CDKAL1: variants seen among roughly 807,000 people sequenced by gnomAD.
The protein encoded by CDKAL1 is threonylcarbamoyladenosine tRNA methylthiotransferase.
CDKAL1 carries 32 observed loss-of-function variants against 68.2 expected under a neutral mutation model. That is an observed-to-expected ratio of 0.47 (90% CI 0.35 to 0.63). The LOEUF (loss-of-function observed/expected upper bound fraction) is 0.63, where lower values mean the gene tolerates loss of function less well. Among genes scored for constraint, CDKAL1 ranks in the 30% least tolerant of loss-of-function variants. CDKAL1 has a pLI of 0.00. For missense variants in CDKAL1, 606 were observed against 696.7 expected (o/e 0.87, Z 1.47); for synonymous variants, 234 against 244.3 (o/e 0.96, Z 0.39).
At chr6:20,815,108 G>A (rs879698407) in intron 8 of CDKAL1, among the ~76,000 whole-genome samples, 3 of 152,202 alleles carry the variant, frequency 2.0e-5, no homozygotes, top group Non-Finnish European at 2.9e-5. Context: ...CTTAATGTAG[G>A]AGGGTAAATC....
chr6:21,089,540 G>A (rs1470716706), intron 12 of CDKAL1, among the ~76,000 whole-genome samples: 2 of 152,088 alleles, frequency 1.3e-5, no homozygotes, highest in Non-Finnish European at 2.9e-5. Context: ...GTATGTGACT[G>A]TGTAGATCCT....
intron 9 of CDKAL1, among the ~76,000 whole-genome samples, chr6:20,879,744 A>G (rs1390715361): frequency 6.6e-6 from 1 of 151,924 alleles, no homozygotes; most frequent in Non-Finnish European, 1.5e-5. Flanking sequence ...TGATTCCCAC[A>G]CTTCTGGTTC....
chr6:20,633,398 T>C (rs1388064150), intron 4 of CDKAL1, among the ~76,000 whole-genome samples: 2 of 152,376 alleles, frequency 1.3e-5, no homozygotes, highest in East Asian at 3.9e-4. Context: ...TAATATTCCA[T>C]TGCATAAATA....
chr6:20,954,755 G>C (rs1003963485), intron 9 of CDKAL1, among the ~76,000 whole-genome samples: 2 of 152,086 alleles, frequency 1.3e-5, no homozygotes, highest in African/African-American at 4.8e-5. Flanking sequence ...ATAACGACAA[G>C]AATATATATA....
At chr6:21,033,772 G>A (rs879821214) in intron 11 of CDKAL1, among the ~76,000 whole-genome samples, 10 of 152,140 alleles carry the variant, frequency 6.6e-5, no homozygotes, top group Non-Finnish European at 1.3e-4. Context: ...AGCTGGCATG[G>A]CACAGGGACA....
intron 8 of CDKAL1, among the ~76,000 whole-genome samples, chr6:20,783,634 T>G (rs1305440213): frequency 2.0e-5 from 3 of 152,138 alleles, no homozygotes; most frequent in African/African-American, 7.2e-5. Flanking sequence ...GATGTCTGCT[T>G]GTTTCTCCCT....
rs1776639616 is a variant in CDKAL1, at chr6:21,156,334, G to GGCA, written c.1300-41686_1300-41685insCAG. On this transcript the variant is annotated intron_variant, in intron 13 of 15. Transcript: ENST00000274695. ...AGCTACTGGCAGGGCTGAGGTGGGAGGATAGCTTGAGCCCAGGAGGCAGAA... is the reference window on the plus strand; with the variant it reads ...AGCTACTGGCAGGGCTGAGGTGGGAGGCAGATAGCTTGAGCCCAGGAGGCAGAA... Among the ~76,000 whole-genome samples, 6 of 149,680 alleles carry GGCA rather than the reference G, an allele frequency of 4.0e-5. No homozygotes were observed. The Admixed American group carries it at 4.0e-4, about 10-fold the overall frequency.
At chr6:21,025,189 A>T (rs1045976856) in intron 11 of CDKAL1, among the ~76,000 whole-genome samples, 1 of 152,202 alleles carries the variant, frequency 6.6e-6, no homozygotes, top group Non-Finnish European at 1.5e-5. Flanking sequence ...AGATTGTACA[A>T]TCAGTCACCT....
intron 9 of CDKAL1, among the ~76,000 whole-genome samples, chr6:20,899,032 C>T (rs1042366769): frequency 3.3e-5 from 5 of 150,592 alleles, no homozygotes; most frequent in Non-Finnish European, 5.9e-5. Context: ...AATCAAGACA[C>T]AGTTTCCTAG....
Position 20,695,004 on chromosome 6 carries a change from G to T in CDKAL1, c.372-44515G>T, listed in dbSNP as rs1160507624. Among the ~76,000 whole-genome samples the T allele has an allele frequency of 2.6e-5, 4 of 152,254 alleles. No homozygotes were observed. In the East Asian group the frequency reaches 7.7e-4, roughly 29 times the overall value. ...ATTCTGGTGCCATGGGCCTTGTACA[G>T]CCTGCAGAACTATGAACCAAACAAA... On this transcript the variant is annotated intron_variant, in intron 5 of 15. Transcript: ENST00000274695.
intron 9 of CDKAL1, among the ~76,000 whole-genome samples, chr6:20,894,760 C>T (rs1417887540): frequency 2.0e-5 from 3 of 152,130 alleles, no homozygotes; most frequent in African/African-American, 7.2e-5. Context: ...CAATCCTCAG[C>T]ACTTTGGGAG....
chr6:20,981,471 G>A lies in CDKAL1; in HGVS notation c.910-18756G>A, dbSNP rs561519423. Among the ~76,000 whole-genome samples the A allele has an allele frequency of 3.9e-5, 6 of 152,230 alleles. No homozygotes were observed. The East Asian group carries it at 5.8e-4, about 15-fold the overall frequency. On this transcript the variant is annotated intron_variant, in intron 10 of 15. Transcript: ENST00000274695. ...AATTCCCAGTTTTCTCTGATGAATCGTGCCCATTAGTGAATTCTGTGGAGA... is the reference window on the plus strand; with the variant it reads ...AATTCCCAGTTTTCTCTGATGAATCATGCCCATTAGTGAATTCTGTGGAGA...
In CDKAL1 at chr6:20,637,444, T is replaced by A. The variant is rs535899236; in HGVS notation, c.287-11849T>A. Among the ~76,000 whole-genome samples, 478 of 152,118 alleles carry A rather than the reference T, an allele frequency of 3.1e-3. 6 individuals are homozygous for A. Among genetic ancestry groups the A allele is most frequent in the African/African-American group, 0.011 (458 of 41,488 alleles). On this transcript the variant is annotated intron_variant, in intron 4 of 15. Transcript: ENST00000274695. ...CGGGTGTGGTGGCGGGTGCCTGTAGTCCCACCTACTCGGGAGGCTGAGGCA... is the reference window on the plus strand; with the variant it reads ...CGGGTGTGGTGGCGGGTGCCTGTAGACCCACCTACTCGGGAGGCTGAGGCA...
intron 4 of CDKAL1, among the ~76,000 whole-genome samples, chr6:20,555,990 G>A (rs1052240615): frequency 6.6e-6 from 1 of 152,058 alleles, no homozygotes; most frequent in Non-Finnish European, 1.5e-5. Context: ...TGGAAAGAAG[G>A]GGGTATATAT....
chr6:21,040,759 GA>G (rs1332320092), intron 11 of CDKAL1, among the ~76,000 whole-genome samples: 3 of 152,100 alleles, frequency 2.0e-5, no homozygotes, highest in Non-Finnish European at 4.4e-5. Context: ...ATATACCTAT[GA>G]TATACTGGCC....
At position 20,846,161 on chromosome 6, in the gene CDKAL1, C is replaced by A; in HGVS notation, c.725C>A (p.Ala242Asp). ...CCAATTGATGAACTAGTAGATAGAG[C>A]CAAACAATCTTTTCAAGGTAAGAGT... is the stretch of plus-strand genomic sequence containing the variant. ...SYPIDELVDR[A>D]KQSFQEGVCE... The change falls in exon 9 of 16, where the codon GCC (alanine) becomes GAC (aspartate). Residue 242 changes from alanine (A) to aspartate (D), a missense_variant. Coordinates refer to ENST00000274695, the MANE Select transcript of CDKAL1 (RefSeq NM_017774.3). 6.2e-7 allele frequency: 1 copy of A among 1,604,344 alleles called. No homozygotes were observed. The highest frequency in any genetic ancestry group is 8.5e-7 in the Non-Finnish European group (1 of 1,172,680).
intron 10 of CDKAL1, among the ~76,000 whole-genome samples, chr6:20,963,473 C>T (rs1455918871): frequency 6.6e-6 from 1 of 152,114 alleles, no homozygotes; most frequent in East Asian, 1.9e-4. Context: ...AAAAATTTAC[C>T]GAGCTTGTTG....
intron 15 of CDKAL1, among the ~76,000 whole-genome samples, chr6:21,213,902 A>G (rs934532085): frequency 1.3e-5 from 2 of 152,232 alleles, no homozygotes; most frequent in Non-Finnish European, 2.9e-5. Flanking sequence ...TTATTCATAA[A>G]TAACCCAAAG....
chr6:21,201,844 C>T (rs1383089411), intron 15 of CDKAL1, among the ~76,000 whole-genome samples: 1 of 152,006 alleles, frequency 6.6e-6, no homozygotes, highest in East Asian at 1.9e-4. Flanking sequence ...GCCAAGCTCT[C>T]TCACATTTCA....
Sources: allele counts gnomAD v4.1 joint callset (sites outside exome capture counted in the v4.1 genomes callset), GRCh38; gene constraint gnomAD v4.1.1; transcripts MANE v1.5; gene names NCBI Gene and HGNC (gene_info 2026-07-23, HGNC 2026-07-21).